IGF2R: variants seen among roughly 807,000 people sequenced by gnomAD.
IGF2R encodes cation-independent mannose-6-phosphate receptor.
A neutral mutation model predicts 270.6 loss-of-function variants in IGF2R; 91 were observed. That is an observed-to-expected ratio of 0.34 (90% CI 0.28 to 0.40). IGF2R has a LOEUF of 0.40. Among genes scored for constraint, IGF2R ranks in the 10% least tolerant of loss-of-function variants. The pLI is 1.00. For synonymous variants in IGF2R, 1,316 were observed against 1,258.9 expected, an observed-to-expected ratio of 1.05 and a Z score of -0.96; for missense variants, 2,805 against 3,188.3, an observed-to-expected ratio of 0.88 and a Z score of 2.90.
intron 44 of IGF2R, chr6:160,090,411 G>T: frequency 5.2e-6 from 1 of 192,958 alleles, no homozygotes; most frequent in Non-Finnish European, 1.0e-5. Flanking sequence ...AATTGCCTTT[G>T]ATTTGGTTTT....
rs745592216 is a variant in IGF2R at position 160,069,870 on chromosome 6, C to T, written c.4255C>T (p.Pro1419Ser). 3.1e-6 allele frequency: 5 copies of T among 1,613,616 alleles called. No individual in the cohort carries two copies. The highest frequency in any genetic ancestry group is 1.3e-5 in the African/African-American group (1 of 74,922). Reference protein sequence around the residue: ...KSLAPQAGTEPCPPEAAACLL... With the variant: ...KSLAPQAGTESCPPEAAACLL... ...CTTTCTTGTGTCTGGTGCTGCAGAG[C>T]CGTGCCCTCCAGAAGCAGCCGCGTG... is the stretch of plus-strand genomic sequence containing the variant. Residue 1419 changes from proline (P) to serine (S), a missense_variant and splice_region_variant, in exon 31 of 48, where the codon CCG (proline) becomes TCG (serine). Pro to Ser is a moderately conservative substitution (Grantham distance 74, BLOSUM62 -1). Transcript: ENST00000356956.
chr6:160,086,434 C>G (rs1779098650), intron 41 of IGF2R, among the ~76,000 whole-genome samples: 1 of 152,140 alleles, frequency 6.6e-6, no homozygotes, highest in Non-Finnish European at 1.5e-5. Flanking sequence ...GGGAGGTAGA[C>G]TTTTTGTTTT....
chr6:160,100,882 C>T (rs1397329452), intron 45 of IGF2R, among the ~76,000 whole-genome samples: 2 of 147,554 alleles, frequency 1.4e-5, no homozygotes, highest in African/African-American at 5.0e-5. Context: ...CCTCTGCTTC[C>T]CAGATTCAAG....
chr6:160,067,839 G>A (rs73023681), intron 29 of IGF2R, among the ~76,000 whole-genome samples: 8,788 of 152,268 alleles, frequency 0.058, 614 homozygotes, highest in East Asian at 0.32. Flanking sequence ...ACAACAGGTG[G>A]CGTGCGGCTG....
chr6:159,977,922 A>G (rs1394704377), intron 1 of IGF2R, among the ~76,000 whole-genome samples: 1 of 149,656 alleles, frequency 6.7e-6, no homozygotes, highest in Non-Finnish European at 1.5e-5. Context: ...GTGGGATGCT[A>G]ACCGTGTTGT....
At position 160,050,758 on chromosome 6, in the gene IGF2R, AG is replaced by A. The variant is rs1778178922; in HGVS notation, c.2694+108del. The A allele has an allele frequency of 9.9e-7, 1 of 1,008,410 alleles. No individual in the cohort carries two copies. The highest frequency in any genetic ancestry group is 1.7e-5 in the South Asian group (1 of 60,106). The allele number at this position is 1,008,410 out of a possible 1,614,324, so 62.5% of individuals were successfully genotyped here. On this transcript the variant is annotated intron_variant, in intron 19 of 47. Transcript: ENST00000356956. The surrounding 1 kb of genome is among the most constrained non-coding windows in gnomAD (Gnocchi z 4.0). ...CAGTCTTGGGGTGGGTGGCGGAGCT[AG>A]GCCAGTCTTAGTTCTGCTTAAGGTC...
chr6:159,979,986 TC>T (rs2115171574), intron 1 of IGF2R, among the ~76,000 whole-genome samples: 1 of 152,052 alleles, frequency 6.6e-6, no homozygotes, highest in South Asian at 2.1e-4. Flanking sequence ...GGTCAGGAGA[TC>T]GAGACCACGG....
chr6:159,977,681 G>T (rs1783715558), intron 1 of IGF2R, among the ~76,000 whole-genome samples: 1 of 152,164 alleles, frequency 6.6e-6, no homozygotes, highest in African/African-American at 2.4e-5. Context: ...CCTCTCATTA[G>T]GGAGTTAGTT....
In IGF2R at chr6:160,102,804, A is replaced by C. The variant is rs35955849; in HGVS notation, c.6995+133A>C. On this transcript the variant is annotated intron_variant, in intron 46 of 47. Coordinates refer to ENST00000356956, the MANE Select transcript of IGF2R (RefSeq NM_000876.4). This position sits in a 1 kb window ranked among gnomAD's most constrained non-coding sequence, Gnocchi z 4.5. Reference sequence around the variant, plus strand: ...AGCGAAGGCTCGAGGTTCTTAGTCCAAAACTCTCTGGAAGCAGTCCCCAGC... The same window carrying C: ...AGCGAAGGCTCGAGGTTCTTAGTCCCAAACTCTCTGGAAGCAGTCCCCAGC... 9.3e-7 allele frequency: 1 copy of C among 1,072,932 alleles called. No individual in the cohort carries two copies. Among genetic ancestry groups the C allele is most frequent in the East Asian group, 2.7e-5 (1 of 37,434 alleles). 66.5% of individuals were successfully genotyped at this position (1,072,932 alleles called of 1,614,324 possible). A position where few individuals can be genotyped will look rare whatever the true frequency, so the allele number is the denominator to read the frequency against.
chr6:160,007,858 T>C (rs752482913), intron 2 of IGF2R, among the ~76,000 whole-genome samples: 4 of 152,250 alleles, frequency 2.6e-5, no homozygotes, highest in Non-Finnish European at 5.9e-5. Context: ...TTAAATTGAA[T>C]AGGTCAACCT....
Position 160,080,234 on chromosome 6 carries a change from C to G in IGF2R, c.5792C>G (p.Ala1931Gly). ...SRAKLWCSTT[A>G]DYDRDHEWGF... ...GCGAAGCTGTGGTGTAGCACAACTG[C>G]GGACTACGACAGAGACCACGAGTGG... Residue 1931 changes from alanine (A) to glycine (G), a missense_variant, in exon 39 of 48, where the codon GCG (alanine) becomes GGG (glycine). Around this residue, in one of 2 missense-constraint regions of IGF2R, gnomAD observed 1,851 missense variants for 2,207.2 expected, o/e 0.84. Coordinates refer to ENST00000356956, the MANE Select transcript of IGF2R (RefSeq NM_000876.4). 1.9e-6 allele frequency: 3 copies of G among 1,614,152 alleles called. No individual in the cohort carries two copies. Among genetic ancestry groups the G allele is most frequent in the Non-Finnish European group, 1.7e-6 (2 of 1,180,006 alleles).
At chr6:159,986,432 T>TGTGTGTG (rs1562333027) in intron 1 of IGF2R, among the ~76,000 whole-genome samples, 1 of 49,990 alleles carries the variant, frequency 2.0e-5, no homozygotes, top group Non-Finnish European at 4.4e-5. Flanking sequence ...GTGTGTGTGT[T>TGTGTGTG]TTTTTTTTTT....
intron 43 of IGF2R, among the ~76,000 whole-genome samples, chr6:160,089,608 T>C (rs1029006051): frequency 3.9e-5 from 6 of 152,230 alleles, no homozygotes; most frequent in Non-Finnish European, 7.3e-5. Flanking sequence ...CTGGGGCTGC[T>C]CTTGGGGGTG....
At chr6:160,029,127 C>T (rs576282026) in intron 6 of IGF2R, among the ~76,000 whole-genome samples, 6 of 152,188 alleles carry the variant, frequency 3.9e-5, no homozygotes, top group South Asian at 4.2e-4. Context: ...GGACTAGAGG[C>T]GCACTACCAT....
Position 159,969,149 on chromosome 6 carries a change from CCGCCTT to C in IGF2R, c.-97_-92del. ...TCGGGCTCCCGCTCCGTCTCCACCT[CCGCCTT>C]TGCCCTGGCGGCGCGACCCCGTCCC... is the stretch of plus-strand genomic sequence containing the variant. On this transcript the variant is annotated 5_prime_UTR_variant, in exon 1 of 48. Coordinates refer to ENST00000356956, the MANE Select transcript of IGF2R (RefSeq NM_000876.4). The C allele has an allele frequency of 1.4e-6, 1 of 705,260 alleles. No homozygotes were observed. The highest frequency in any genetic ancestry group is 1.7e-6 in the Non-Finnish European group (1 of 575,308). 43.7% of individuals were successfully genotyped at this position (705,260 alleles called of 1,614,324 possible).
At chr6:160,094,017 C>T (rs1779290890) in intron 44 of IGF2R, 4 of 625,900 alleles carry the variant, frequency 6.4e-6, no homozygotes, top group Non-Finnish European at 1.2e-5. Flanking sequence ...GCAAACTATT[C>T]CTTGCAGTCT....
chr6:160,030,037 T>C (rs1777660108), intron 7 of IGF2R, among the ~76,000 whole-genome samples: 1 of 152,224 alleles, frequency 6.6e-6, no homozygotes, highest in Non-Finnish European at 1.5e-5. Context: ...CTGTGATTTC[T>C]TATGAGAAGC....
At chr6:160,081,556 G>C (rs1459317974) in intron 39 of IGF2R, among the ~76,000 whole-genome samples, 1 of 152,194 alleles carries the variant, frequency 6.6e-6, no homozygotes, top group East Asian at 1.9e-4. Context: ...GGTTTAACTA[G>C]AATTCGCCAG....
chr6:160,067,322 C>A (rs1000089005), intron 29 of IGF2R, among the ~76,000 whole-genome samples: 2 of 152,166 alleles, frequency 1.3e-5, no homozygotes, highest in African/African-American at 4.8e-5. Context: ...TTCTCGGTCA[C>A]GCCTTCTCTG....
Sources: gnomAD v4.1 joint callset for allele counts (sites outside exome capture counted in the v4.1 genomes callset) on GRCh38, gnomAD v4.1.1 for gene constraint, gnomAD v4.1.1 regional missense constraint, Gnocchi (gnomAD v3.1) non-coding constraint, MANE v1.5 for transcripts, NCBI Gene and HGNC (gene_info 2026-07-23, HGNC 2026-07-21) for gene names.